The following OVCH1 variants were observed in gnomAD, a reference collection of about 807,000 sequenced individuals.
OVCH1 encodes the protein ovochymase 1.
A neutral mutation model predicts 138.4 loss-of-function variants in OVCH1; 139 were observed. That is an observed-to-expected ratio of 1.00 (90% CI 0.87 to 1.16). The LOEUF (loss-of-function observed/expected upper bound fraction) is 1.16, where lower values mean the gene tolerates loss of function less well. OVCH1 is among the 50% of genes most tolerant of loss of function. The pLI is 0.00. For missense variants in OVCH1, 1,367 were observed against 1,357.9 expected, an observed-to-expected ratio of 1.01 and a Z score of -0.11; for synonymous variants, 453 against 467.8, an observed-to-expected ratio of 0.97 and a Z score of 0.41.
At chr12:29,492,928 A>G (rs932089910) in intron 4 of OVCH1, among the ~76,000 whole-genome samples, 1 of 152,198 alleles carries the variant, frequency 6.6e-6, no homozygotes. Flanking sequence ...CCAAGAACAT[A>G]TGAGCAATTC....
intron 22 of OVCH1, among the ~76,000 whole-genome samples, chr12:29,448,672 G>A (rs1941685851): frequency 6.6e-6 from 1 of 152,100 alleles, no homozygotes; most frequent in South Asian, 2.1e-4. Flanking sequence ...GGGGGAAAAT[G>A]TGCCAAGCAG....
intron 19 of OVCH1, among the ~76,000 whole-genome samples, chr12:29,455,956 A>AT (rs1941939853): frequency 6.6e-6 from 1 of 152,218 alleles, no homozygotes; most frequent in South Asian, 2.1e-4. Flanking sequence ...GAGTTATGAC[A>AT]TACACAGAGA....
In OVCH1 at chr12:29,433,673, T is replaced by G. The variant is rs1216884768; in HGVS notation, c.3327+78A>C. ...TGCCTGGCATATTCCTACAACAATT[T>G]GTTGGTGGTCTGAATAATTCTCGGT... On this transcript the variant is annotated intron_variant, in intron 27 of 27. Coordinates refer to ENST00000318184, the Ensembl canonical transcript of OVCH1. The G allele has an allele frequency of 8.9e-6, 12 of 1,351,458 alleles. No homozygotes were observed. In the East Asian group the frequency reaches 3.5e-4, roughly 39 times the overall value. The allele number at this position is 1,351,458 out of a possible 1,614,324, so 83.7% of individuals were successfully genotyped here.
intron 24 of OVCH1, among the ~76,000 whole-genome samples, chr12:29,443,805 T>C (rs1418360854): frequency 6.6e-6 from 1 of 152,092 alleles, no homozygotes; most frequent in Non-Finnish European, 1.5e-5. Flanking sequence ...TGCCAGAATT[T>C]GCCCCAAACT....
chr12:29,491,239 T>C, intron 4 of OVCH1, 47 bp from the exon 5 acceptor site: 1 of 1,415,492 alleles, frequency 7.1e-7, no homozygotes, highest in South Asian at 1.2e-5. Flanking sequence ...ATACGCCATG[T>C]TGAATATATT....
intron 25 of OVCH1, among the ~76,000 whole-genome samples, chr12:29,441,632 A>C (rs1001194687): frequency 2.0e-5 from 3 of 152,208 alleles, no homozygotes; most frequent in African/African-American, 7.2e-5. Flanking sequence ...GGATCTAATT[A>C]AACTAAAGAG....
chr12:29,423,485 CT>C (rs1415206177), downstream of OVCH1, among the ~76,000 whole-genome samples: 5 of 152,222 alleles, frequency 3.3e-5, no homozygotes, highest in Admixed American at 2.6e-4. Flanking sequence ...AAGAGTATAG[CT>C]TTTAAAAGAT....
chr12:29,483,624 G>T (rs1943003794), intron 8 of OVCH1, among the ~76,000 whole-genome samples: 2 of 152,106 alleles, frequency 1.3e-5, no homozygotes, highest in South Asian at 2.1e-4. Flanking sequence ...TGCTACCCCA[G>T]TTCCCATTCA....
intron 5 of OVCH1, among the ~76,000 whole-genome samples, chr12:29,490,227 A>T (rs775021782): frequency 6.6e-6 from 1 of 151,908 alleles, no homozygotes; most frequent in Non-Finnish European, 1.5e-5. Flanking sequence ...GTGATTTGCT[A>T]ATTTTTTATT....
At chr12:29,468,466 T>C (rs1942392433) in intron 16 of OVCH1, among the ~76,000 whole-genome samples, 1 of 152,214 alleles carries the variant, frequency 6.6e-6, no homozygotes, top group Non-Finnish European at 1.5e-5. Context: ...ATTCTGTATC[T>C]TGCTGTAAGG....
At chr12:29,497,231 C>T (rs921921946) in intron 1 of OVCH1, among the ~76,000 whole-genome samples, 2 of 151,988 alleles carry the variant, frequency 1.3e-5, no homozygotes, top group African/African-American at 4.8e-5. Flanking sequence ...CACTGCAGTC[C>T]AGCCTGGGTG....
chr12:29,475,381 C>T (rs1036897996), intron 13 of OVCH1, among the ~76,000 whole-genome samples, 192 bp from the exon 14 acceptor site: 2 of 151,880 alleles, frequency 1.3e-5, no homozygotes, highest in Admixed American at 6.6e-5. Context: ...TTTAATTGCA[C>T]AGAAAAAGCT....
chr12:29,409,052 G>T (rs1053163598), downstream of OVCH1, among the ~76,000 whole-genome samples: 1 of 152,038 alleles, frequency 6.6e-6, no homozygotes, highest in African/African-American at 2.4e-5. Context: ...TGTATGTGTC[G>T]AGGAATTTAT....
intron 27 of OVCH1, among the ~76,000 whole-genome samples, chr12:29,431,531 A>G (rs1288265044): frequency 6.6e-6 from 1 of 152,224 alleles, no homozygotes; most frequent in Non-Finnish European, 1.5e-5. Flanking sequence ...TATGTTTAAA[A>G]AATTGTATTC....
At chr12:29,418,428 C>G (rs1565561609) in intron 3 of OVCH1, among the ~76,000 whole-genome samples, 1 of 152,122 alleles carries the variant, frequency 6.6e-6, no homozygotes, top group African/African-American at 2.4e-5. Context: ...CAATTAAAAA[C>G]CCATGAAAGT....
intron 8 of OVCH1, among the ~76,000 whole-genome samples, chr12:29,483,850 C>CT (rs1315175087): frequency 6.6e-6 from 1 of 151,454 alleles, no homozygotes; most frequent in Non-Finnish European, 1.5e-5. Context: ...ATCTTTTCCA[C>CT]TATAACATTT....
rs747518778 is a variant in OVCH1 at position 29,476,314 on chromosome 12, A to C, written c.1378-15T>G. On this transcript the variant is annotated splice_polypyrimidine_tract_variant and intron_variant, in intron 12 of 27. Coordinates refer to ENST00000318184, the Ensembl canonical transcript of OVCH1. ...TCAAATGTCAACTGTGCAAATGGAAACATAACCAGGGAAATGGTCAAAGAA... is the reference window on the plus strand; with the variant it reads ...TCAAATGTCAACTGTGCAAATGGAACCATAACCAGGGAAATGGTCAAAGAA... 2 of 1,589,032 alleles carry C rather than the reference A, an allele frequency of 1.3e-6. No homozygotes were observed. The highest frequency in any genetic ancestry group is 2.2e-5 in the South Asian group (2 of 90,586).
At chr12:29,486,308 C>T (rs755776403) in exon 8 of OVCH1, 15 of 1,613,678 alleles carry the variant, frequency 9.3e-6, no homozygotes, top group Admixed American at 5.0e-5. Flanking sequence ...TTGTTATATA[C>T]CTTGAGCCCA....
chr12:29,439,151 A>G (rs1477368738), intron 26 of OVCH1, among the ~76,000 whole-genome samples: 1 of 151,288 alleles, frequency 6.6e-6, no homozygotes, highest in Non-Finnish European at 1.5e-5. Context: ...TTTATTTTCT[A>G]CAACTGTCCC....
Sources: allele counts gnomAD v4.1 joint callset (sites outside exome capture counted in the v4.1 genomes callset), GRCh38; gene constraint gnomAD v4.1.1; transcripts MANE v1.5; gene names NCBI Gene and HGNC (gene_info 2026-07-23, HGNC 2026-07-21).